The following AGBL1 variants were observed in gnomAD, a reference collection of about 807,000 sequenced individuals.
The protein encoded by AGBL1 is cytosolic carboxypeptidase 4.
AGBL1 carries 130 observed loss-of-function variants against 118.9 expected under a neutral mutation model. That is an observed-to-expected ratio of 1.09 (90% CI 0.95 to 1.26). The LOEUF is 1.26. Among genes scored for constraint, AGBL1 ranks in the 50% most tolerant of loss-of-function variants. The pLI, the probability that AGBL1 is intolerant of heterozygous loss-of-function variation, is 0.00. For synonymous variants in AGBL1, 555 were observed against 478.9 expected (o/e 1.16, Z -2.08); for missense variants, 1,584 against 1,298.1 (o/e 1.22, Z -3.38).
chr15:86,735,191 C>T (rs1181836100), intron 22 of AGBL1, among the ~76,000 whole-genome samples: 1 of 152,080 alleles, frequency 6.6e-6, no homozygotes, highest in East Asian at 1.9e-4. Context: ...CAGAGATTCT[C>T]CTGCCTCAAC....
intron 22 of AGBL1, among the ~76,000 whole-genome samples, chr15:86,734,563 G>A (rs185126796): frequency 3.3e-5 from 5 of 152,278 alleles, no homozygotes; most frequent in Non-Finnish European, 4.4e-5. Context: ...GTAGAAATGG[G>A]CATACATCCT....
intron 21 of AGBL1, among the ~76,000 whole-genome samples, chr15:86,656,494 T>C (rs2085463531): frequency 6.6e-6 from 1 of 152,194 alleles, no homozygotes; most frequent in South Asian, 2.1e-4. Flanking sequence ...TAATGACACA[T>C]CACTCTTGTT....
At chr15:86,475,188 C>T (rs113862660) in intron 18 of AGBL1, among the ~76,000 whole-genome samples, 4,967 of 152,228 alleles carry the variant, frequency 0.033, 126 homozygotes, top group African/African-American at 0.074. Context: ...CAAAGGAACG[C>T]GACTCATTGC....
chr15:87,002,162 A>T (rs1031514433), intron 24 of AGBL1, among the ~76,000 whole-genome samples: 1 of 151,984 alleles, frequency 6.6e-6, no homozygotes, highest in African/African-American at 2.4e-5. Flanking sequence ...TGTATAAGGT[A>T]TAAGGAAGGG....
chr15:87,002,879 C>G (rs2081455118), intron 24 of AGBL1, among the ~76,000 whole-genome samples: 1 of 152,134 alleles, frequency 6.6e-6, no homozygotes, highest in African/African-American at 2.4e-5. Context: ...AGATTTTGGG[C>G]TGAGACAATG....
At chr15:86,720,337 C>A (rs995262270) in intron 22 of AGBL1, among the ~76,000 whole-genome samples, 4 of 152,186 alleles carry the variant, frequency 2.6e-5, no homozygotes, top group Admixed American at 1.3e-4. Context: ...TCAATGATTT[C>A]TTCTCTTCAG....
At chr15:86,541,779 T>G (rs147480581) in intron 19 of AGBL1, among the ~76,000 whole-genome samples, 36 of 152,202 alleles carry the variant, frequency 2.4e-4, no homozygotes, top group African/African-American at 8.2e-4. Context: ...CTCTAGAGAC[T>G]GAGCCAATTT....
intron 22 of AGBL1, among the ~76,000 whole-genome samples, chr15:86,680,172 C>A (rs1423819926): frequency 6.6e-6 from 1 of 152,114 alleles, no homozygotes; most frequent in Non-Finnish European, 1.5e-5. Context: ...GTCTTATAAT[C>A]ATATTCAGAT....
intron 22 of AGBL1, among the ~76,000 whole-genome samples, chr15:86,713,633 C>T (rs1383248495): frequency 6.6e-6 from 1 of 152,166 alleles, no homozygotes; most frequent in African/African-American, 2.4e-5. Flanking sequence ...GAAGACAGAA[C>T]TGTGCCCCAA....
intron 21 of AGBL1, among the ~76,000 whole-genome samples, chr15:86,633,344 T>G (rs1483897447): frequency 6.6e-6 from 1 of 152,010 alleles, no homozygotes; most frequent in African/African-American, 2.4e-5. Flanking sequence ...GCACCATGAA[T>G]TTTTTTTATG....
chr15:86,971,507 G>A (rs948842903), intron 23 of AGBL1, among the ~76,000 whole-genome samples: 3 of 151,904 alleles, frequency 2.0e-5, no homozygotes, highest in African/African-American at 7.3e-5. Flanking sequence ...TATGGGGAGA[G>A]GGGATGTGCT....
At chr15:86,138,805 G>T (rs1481024023) in intron 1 of AGBL1, among the ~76,000 whole-genome samples, 1 of 152,106 alleles carries the variant, frequency 6.6e-6, no homozygotes, top group Non-Finnish European at 1.5e-5. Flanking sequence ...CCTTTCCAAA[G>T]GCTTTTATGC....
intron 21 of AGBL1, among the ~76,000 whole-genome samples, chr15:86,582,159 G>T (rs1249262201): frequency 2.6e-5 from 4 of 152,066 alleles, no homozygotes; most frequent in Non-Finnish European, 4.4e-5. Context: ...TCCCCTTGTA[G>T]ATCAAAATCA....
At chr15:86,927,267 A>T (rs968316404) in intron 23 of AGBL1, among the ~76,000 whole-genome samples, 1 of 152,166 alleles carries the variant, frequency 6.6e-6, no homozygotes, top group African/African-American at 2.4e-5. Flanking sequence ...CTTATGCCTC[A>T]AAGTAGCTCA....
At chr15:87,015,700 C>G (rs924629615) in intron 24 of AGBL1, among the ~76,000 whole-genome samples, 5 of 152,102 alleles carry the variant, frequency 3.3e-5, no homozygotes, top group Non-Finnish European at 5.9e-5. Context: ...TATTCTTAGC[C>G]AATTATAGTA....
intron 18 of AGBL1, among the ~76,000 whole-genome samples, chr15:86,440,029 A>G (rs973890876): frequency 1.3e-5 from 2 of 152,218 alleles, no homozygotes; most frequent in Non-Finnish European, 2.9e-5. Flanking sequence ...AAGTCCCACA[A>G]TATTAATAAC....
chr15:86,113,361 C>T (rs1401112373), intron 1 of AGBL1, among the ~76,000 whole-genome samples: 2 of 145,530 alleles, frequency 1.4e-5, no homozygotes, highest in Admixed American at 7.0e-5. Flanking sequence ...GATCTTGGCT[C>T]ACTGCAACCT....
intron 22 of AGBL1, among the ~76,000 whole-genome samples, chr15:86,737,570 C>T (rs1361483104): frequency 6.6e-6 from 1 of 152,078 alleles, no homozygotes; most frequent in Non-Finnish European, 1.5e-5. Flanking sequence ...CCTGCTATAA[C>T]CACATTGTGT....
chr15:86,816,304 G>A (rs2078857611), intron 22 of AGBL1, among the ~76,000 whole-genome samples: 1 of 152,194 alleles, frequency 6.6e-6, no homozygotes, highest in Non-Finnish European at 1.5e-5. Flanking sequence ...AAGTGAAGAA[G>A]GCAGGTGGCC....
Sources: gnomAD v4.1 joint callset for allele counts (sites outside exome capture counted in the v4.1 genomes callset) on GRCh38, gnomAD v4.1.1 for gene constraint, MANE v1.5 for transcripts, NCBI Gene and HGNC (gene_info 2026-07-23, HGNC 2026-07-21) for gene names.